ZNF618: variants seen among roughly 807,000 people sequenced by gnomAD.
ZNF618 encodes the protein zinc finger protein 618, also known as neural precursor cell expressed, developmentally down-regulated 10.
ZNF618 carries 34 observed loss-of-function variants against 103.0 expected under a neutral mutation model. The observed-to-expected ratio is 0.33, with a 90% CI of 0.25 to 0.44. The LOEUF is 0.44. Ranked by LOEUF, ZNF618 falls within the 20% of genes least tolerant of loss-of-function variation. The probability of loss-of-function intolerance (pLI) is 1.00; values close to 1 mark genes in which losing one functional copy is unlikely to be tolerated. For missense variants in ZNF618, 1,059 were observed against 1,295.4 expected (o/e 0.82, Z 2.80); for synonymous variants, 551 against 542.2 (o/e 1.02, Z -0.23).
intron 10 of ZNF618, among the ~76,000 whole-genome samples, chr9:114,020,603 C>A (rs1423595506): frequency 6.8e-6 from 1 of 146,610 alleles, no homozygotes; most frequent in Non-Finnish European, 1.5e-5. Context: ...TTCCAATTGT[C>A]TGTTGCTATT....
intron 1 of ZNF618, among the ~76,000 whole-genome samples, chr9:113,905,207 G>T (rs1042808189): frequency 3.3e-5 from 5 of 152,032 alleles, no homozygotes; most frequent in African/African-American, 1.2e-4. Flanking sequence ...GGAGGCACAC[G>T]CCCTCACACC....
chr9:114,004,532 C>T (rs1439988383), intron 6 of ZNF618, among the ~76,000 whole-genome samples: 6 of 152,356 alleles, frequency 3.9e-5, no homozygotes, highest in East Asian at 1.9e-4. Context: ...GTCTGGCTTC[C>T]GTTGTCCGCG....
chr9:114,052,863 G>T lies in ZNF618; in HGVS notation c.*2696G>T, dbSNP rs1846219624. The T allele has an allele frequency of 6.6e-6, 1 of 152,218 alleles. No homozygotes were observed. Among genetic ancestry groups the T allele is most frequent in the Non-Finnish European group, 1.5e-5 (1 of 68,042 alleles). The allele number at this position is 152,218 out of a possible 1,614,324, so 9.4% of individuals were successfully genotyped here. ...CAGCATTCTTCTCTTTGAAGCATGGGATGTCTGTCCTCCAGGAAGAGATTT... is the reference window on the plus strand; with the variant it reads ...CAGCATTCTTCTCTTTGAAGCATGGTATGTCTGTCCTCCAGGAAGAGATTT... On this transcript the variant is annotated 3_prime_UTR_variant, in exon 15 of 15. Transcript: ENST00000374126.
At position 114,050,195 on chromosome 9, in the gene ZNF618, A is replaced by G; in HGVS notation, c.*28A>G. On this transcript the variant is annotated 3_prime_UTR_variant, in exon 15 of 15. Transcript: ENST00000374126. ...CTTGACTTCGGGGGAAAAAAAAAGA[A>G]AAAGAGAAGATAACATTAGAAAAAA... The G allele has an allele frequency of 4.0e-6, 6 of 1,516,616 alleles. No individual in the cohort carries two copies. The highest frequency in any genetic ancestry group is 5.3e-6 in the Non-Finnish European group (6 of 1,141,766). The allele number at this position is 1,516,616 out of a possible 1,614,324, so 93.9% of individuals were successfully genotyped here.
At chr9:113,996,887 G>A (rs996399460) in intron 3 of ZNF618, among the ~76,000 whole-genome samples, 1 of 152,158 alleles carries the variant, frequency 6.6e-6, no homozygotes, top group East Asian at 1.9e-4. Context: ...CTGGGGTGGT[G>A]GCAGTAGCAT....
At chr9:113,998,489 T>A in intron 4 of ZNF618, 135 bp downstream of exon 4, 1 of 735,700 alleles carries the variant, frequency 1.4e-6, no homozygotes, top group Non-Finnish European at 2.3e-6. Context: ...GCCACCTTCT[T>A]CATCCCCTGT....
rs150783879 is a variant in ZNF618 at position 114,028,529 on chromosome 9, A to G, written c.845-204A>G. 7.7e-4 allele frequency: 591 copies of G among 772,000 alleles called. 3 individuals are homozygous for G. The African/African-American group carries it at 9.4e-3, about 12-fold the overall frequency. The allele number at this position is 772,000 out of a possible 1,614,324, so 47.8% of individuals were successfully genotyped here. Reference sequence around the variant, plus strand: ...CAGTGGGCTGGTTGGTGGCCTCCAGATAACTAAGCGTGAGCTGACAGAAGG... The same window carrying G: ...CAGTGGGCTGGTTGGTGGCCTCCAGGTAACTAAGCGTGAGCTGACAGAAGG... On this transcript the variant is annotated intron_variant, in intron 10 of 14. Coordinates refer to ENST00000374126, the MANE Select transcript of ZNF618 (RefSeq NM_001318042.2).
chr9:113,928,557 G>T (rs1280379582), intron 1 of ZNF618, among the ~76,000 whole-genome samples: 2 of 152,166 alleles, frequency 1.3e-5, no homozygotes, highest in African/African-American at 4.8e-5. Flanking sequence ...GAAGTTTTAT[G>T]TTTATGTGGC....
chr9:113,926,237 C>T (rs1833081821), intron 1 of ZNF618, among the ~76,000 whole-genome samples: 1 of 147,802 alleles, frequency 6.8e-6, no homozygotes, highest in Admixed American at 6.8e-5. Flanking sequence ...CAATGTAATT[C>T]TTATCCTTAT....
At chr9:113,895,600 G>C (rs1480644833) in intron 1 of ZNF618, among the ~76,000 whole-genome samples, 2 of 152,072 alleles carry the variant, frequency 1.3e-5, no homozygotes, top group Admixed American at 6.6e-5. Flanking sequence ...AAACATGGAG[G>C]ATAAATACAT....
At chr9:113,880,510 A>G (rs2130787046) in intron 1 of ZNF618, among the ~76,000 whole-genome samples, 1 of 152,258 alleles carries the variant, frequency 6.6e-6, no homozygotes, top group East Asian at 1.9e-4. Context: ...CCCATATTCT[A>G]GAGAGAGGGG....
chr9:113,890,804 G>T (rs1587947381), intron 1 of ZNF618, among the ~76,000 whole-genome samples: 1 of 152,246 alleles, frequency 6.6e-6, no homozygotes, highest in African/African-American at 2.4e-5. Context: ...TGGCCTGATG[G>T]GCAAACTAAT....
chr9:113,889,934 T>C (rs1210978684), intron 1 of ZNF618, among the ~76,000 whole-genome samples: 7 of 152,218 alleles, frequency 4.6e-5, no homozygotes, highest in Admixed American at 4.6e-4. Flanking sequence ...TGTTAGTCCC[T>C]TGATCTTCAA....
intron 13 of ZNF618, among the ~76,000 whole-genome samples, chr9:114,041,780 T>C (rs572335357): frequency 2.0e-5 from 3 of 151,770 alleles, no homozygotes; most frequent in South Asian, 2.1e-4. Context: ...CCAGCTTTGT[T>C]CTTTTGCCTT....
In ZNF618 at chr9:114,008,394, T is replaced by C; in HGVS notation, c.676+15T>C. On this transcript the variant is annotated intron_variant, in intron 8 of 14. Transcript: ENST00000374126. ...GAACCGGGCAGGTAAGTCCTTGGTG[T>C]CTGCTTGTCACCTCCCCTGTCCCCG... 6.2e-7 allele frequency: 1 copy of C among 1,613,984 alleles called. No individual in the cohort carries two copies. The highest frequency in any genetic ancestry group is 8.5e-7 in the Non-Finnish European group (1 of 1,179,858).
rs534999431 is a variant in ZNF618 at position 113,877,732 on chromosome 9, C to G, written c.33+1319C>G. On this transcript the variant is annotated intron_variant, in intron 1 of 14. Transcript: ENST00000374126. Reference sequence around the variant, plus strand: ...TGTTTCCTGAAAGGTCTAGGCATTTCTTTTTTGTTGTTGTTTTATCCAGAA... The same window carrying G: ...TGTTTCCTGAAAGGTCTAGGCATTTGTTTTTTGTTGTTGTTTTATCCAGAA... 7.9e-5 allele frequency among the ~76,000 whole-genome samples: 12 copies of G among 151,650 alleles called. No individual in the cohort carries two copies. The South Asian group carries it at 1.5e-3, about 18-fold the overall frequency.
At chr9:113,929,240 C>T (rs1194290751) in intron 1 of ZNF618, among the ~76,000 whole-genome samples, 1 of 152,186 alleles carries the variant, frequency 6.6e-6, no homozygotes, top group Non-Finnish European at 1.5e-5. Flanking sequence ...TACTCAGCTT[C>T]TAGCAGCTAA....
chr9:114,017,958 C>G (rs559896722), intron 10 of ZNF618, among the ~76,000 whole-genome samples: 1 of 152,168 alleles, frequency 6.6e-6, no homozygotes, highest in Admixed American at 6.5e-5. Context: ...GTCCTGAGGT[C>G]GAGCACTGGG....
chr9:114,002,720 A>C (rs1257423922), intron 6 of ZNF618, 58 bp downstream of exon 6: 6 of 1,585,054 alleles, frequency 3.8e-6, no homozygotes, highest in Non-Finnish European at 5.2e-6. Context: ...GGTGGGATGA[A>C]GAGGAGCTGC....
Sources: allele counts gnomAD v4.1 joint callset (sites outside exome capture counted in the v4.1 genomes callset), GRCh38; gene constraint gnomAD v4.1.1; transcripts MANE v1.5; gene names NCBI Gene and HGNC (gene_info 2026-07-23, HGNC 2026-07-21).